The following AHCY variants were observed in gnomAD, a reference collection of about 807,000 sequenced individuals.
The protein encoded by AHCY is adenosylhomocysteinase.
AHCY carries 24 observed loss-of-function variants against 45.4 expected under a neutral mutation model. The ratio of observed to expected loss-of-function variants is 0.53; its 90% CI spans 0.38 to 0.74. AHCY has a LOEUF of 0.74. Among genes scored for constraint, AHCY ranks in the 30% least tolerant of loss-of-function variants. AHCY has a pLI of 0.00. For missense variants in AHCY, 449 were observed against 594.1 expected (o/e 0.76, Z 2.54); for synonymous variants, 245 against 235.1 (o/e 1.04, Z -0.39).
the AHCY span, among the ~76,000 whole-genome samples, chr20:34,261,135 CA>C: frequency 1.3e-5 from 2 of 152,250 alleles, no homozygotes; most frequent in African/African-American, 4.8e-5. Flanking sequence ...AATTCAAAAT[CA>C]GGTACTTAAC....
chr20:34,269,633 G>A, the AHCY span, among the ~76,000 whole-genome samples: 2 of 151,134 alleles, frequency 1.3e-5, no homozygotes, highest in African/African-American at 4.9e-5. Flanking sequence ...CCTCTCCCCA[G>A]GGGAAAAAAA....
chr20:34,235,984 GA>G, the AHCY span, among the ~76,000 whole-genome samples: 30 of 128,854 alleles, frequency 2.3e-4, no homozygotes, highest in South Asian at 4.9e-4. Context: ...AGGGAAGAAG[GA>G]AAGAAGGAAG....
intron 4 of AHCY, 71 bp downstream of exon 4, chr20:34,292,287 C>A (rs751776523): frequency 1.3e-6 from 2 of 1,546,374 alleles, no homozygotes; most frequent in Non-Finnish European, 1.8e-6. Context: ...GCCAGGCCTG[C>A]GGCCATCATG....
At chr20:34,237,437 A>T in the AHCY span, among the ~76,000 whole-genome samples, 2 of 152,224 alleles carry the variant, frequency 1.3e-5, no homozygotes, top group East Asian at 3.9e-4. Context: ...AGATTGAATC[A>T]TTTTCTTAAT....
the AHCY span, among the ~76,000 whole-genome samples, chr20:34,251,496 G>T: frequency 1.3e-5 from 2 of 151,978 alleles, no homozygotes; most frequent in African/African-American, 2.4e-5. Context: ...GGATGGTCTT[G>T]ATCTCCTGAC....
At chr20:34,296,582 C>T (rs2036585068) in intron 1 of AHCY, among the ~76,000 whole-genome samples, 1 of 152,156 alleles carries the variant, frequency 6.6e-6, no homozygotes, top group African/African-American at 2.4e-5. Flanking sequence ...TGAGCTAACT[C>T]ACTATCTCAA....
At chr20:34,291,319 T>C in intron 5 of AHCY, 100 bp downstream of exon 5, 1 of 1,141,054 alleles carries the variant, frequency 8.8e-7, no homozygotes, top group Non-Finnish European at 1.3e-6. Context: ...AAATGAGGGC[T>C]TCATGTCCCT....
At chr20:34,280,085 C>CT (rs1324885224), downstream of AHCY, among the ~76,000 whole-genome samples, 1 of 152,030 alleles carries the variant, frequency 6.6e-6, no homozygotes, top group African/African-American at 2.4e-5. Context: ...GAGCGAGACT[C>CT]TGTCTCAAAA....
At chr20:34,301,762 C>T in intron 1 of AHCY, 1 of 965,624 alleles carries the variant, frequency 1.0e-6, no homozygotes, top group Non-Finnish European at 1.2e-6. Context: ...CATAACCTTT[C>T]TGGGTTCAGT....
At chr20:34,246,455 C>T in the AHCY span, 4 of 1,402,518 alleles carry the variant, frequency 2.9e-6, no homozygotes, top group South Asian at 2.3e-5. Context: ...ATAAAGGACT[C>T]GAAGTGGGTA....
the AHCY span, among the ~76,000 whole-genome samples, chr20:34,251,647 T>C: frequency 3.9e-5 from 6 of 152,310 alleles, no homozygotes; most frequent in African/African-American, 1.4e-4. Flanking sequence ...AGGAATTTGC[T>C]ATGTTCTGAA....
chr20:34,307,602 C>T (rs1336771654), upstream of AHCY, among the ~76,000 whole-genome samples: 1 of 152,162 alleles, frequency 6.6e-6, no homozygotes. Context: ...GAACTCCTGA[C>T]CTCGGGTGAT....
chr20:34,303,044 G>A (rs2036835492), intron 1 of AHCY, 199 bp downstream of exon 1: 1 of 985,358 alleles, frequency 1.0e-6, no homozygotes, highest in South Asian at 4.7e-5. Context: ...GGGACTTGTA[G>A]TCCACGGCCA....
chr20:34,293,372 A>G (rs1441684441), intron 3 of AHCY: 2 of 157,568 alleles, frequency 1.3e-5, no homozygotes, highest in East Asian at 3.8e-4. Context: ...TCTACCCACA[A>G]CTGGAGCAGA....
the AHCY span, among the ~76,000 whole-genome samples, chr20:34,239,293 C>A: frequency 6.6e-6 from 1 of 151,768 alleles, no homozygotes; most frequent in Admixed American, 6.6e-5. Flanking sequence ...CTTGGCTCAC[C>A]GCAACCTCTG....
chr20:34,308,807 C>T (rs1452470723), intron 1 of AHCY, among the ~76,000 whole-genome samples: 1 of 151,548 alleles, frequency 6.6e-6, no homozygotes, highest in African/African-American at 2.4e-5. Flanking sequence ...GCACCCACCA[C>T]GATGCCCAGC....
the AHCY span, among the ~76,000 whole-genome samples, chr20:34,269,790 T>C: frequency 6.6e-6 from 1 of 150,772 alleles, no homozygotes; most frequent in Admixed American, 6.6e-5. Context: ...ACAAAAAATA[T>C]AAAATTATTT....
chr20:34,235,222 A>T, the AHCY span, among the ~76,000 whole-genome samples: 7 of 152,196 alleles, frequency 4.6e-5, no homozygotes, highest in Non-Finnish European at 8.8e-5. Flanking sequence ...TGGGCAGATC[A>T]TGAAGTCAGG....
chr20:34,259,739 A>G, the AHCY span, among the ~76,000 whole-genome samples: 1 of 151,672 alleles, frequency 6.6e-6, no homozygotes, highest in Non-Finnish European at 1.5e-5. Context: ...AACAAGAGAG[A>G]GACTCCATCT....
Sources: gnomAD v4.1 joint callset for allele counts (sites outside exome capture counted in the v4.1 genomes callset) on GRCh38, gnomAD v4.1.1 for gene constraint, MANE v1.5 for transcripts, NCBI Gene and HGNC (gene_info 2026-07-23, HGNC 2026-07-21) for gene names.